Variants in RAPGEF2 observed in about 807,000 individuals in gnomAD.
RAPGEF2 encodes Rap guanine nucleotide exchange factor 2, also known as PDZ domain containing guanine nucleotide exchange factor (GEF) 1.
Under a neutral mutation model 186.7 loss-of-function variants are expected in RAPGEF2, and 54 were observed. The observed-to-expected ratio is 0.29, with a 90% CI of 0.23 to 0.36. The LOEUF (loss-of-function observed/expected upper bound fraction) is 0.36. Among genes scored for constraint, RAPGEF2 ranks in the 10% least tolerant of loss-of-function variants. The probability of loss-of-function intolerance (pLI) is 1.00; values close to 1 mark genes in which losing one functional copy is unlikely to be tolerated. For missense variants in RAPGEF2, 1,532 were observed against 2,045.0 expected (o/e 0.75, Z 4.84); for synonymous variants, 712 against 705.9 (o/e 1.01, Z -0.14).
chr4:159,311,244 A>G (rs938230474), intron 8 of RAPGEF2, among the ~76,000 whole-genome samples: 5 of 152,334 alleles, frequency 3.3e-5, no homozygotes, highest in Middle Eastern at 3.4e-3. Context: ...TAGTCATTCA[A>G]TATAGGATCA....
chr4:159,340,779 C>CCACACA (rs10562531), intron 19 of RAPGEF2, among the ~76,000 whole-genome samples: 1,669 of 106,128 alleles, frequency 0.016, 158 homozygotes, highest in African/African-American at 0.061. Flanking sequence ...ACCACCATCA[C>CCACACA]CACACACACA....
At chr4:159,318,501 T>G (rs1333640823) in intron 9 of RAPGEF2, among the ~76,000 whole-genome samples, 1 of 152,210 alleles carries the variant, frequency 6.6e-6, no homozygotes, top group Admixed American at 6.5e-5. Flanking sequence ...CAAATGAAAT[T>G]GCTAATATTT....
chr4:159,197,518 A>T (rs1037482663), intron 3 of RAPGEF2, among the ~76,000 whole-genome samples: 1 of 152,214 alleles, frequency 6.6e-6, no homozygotes, highest in Non-Finnish European at 1.5e-5. Flanking sequence ...TTGGTTTCCA[A>T]AAGAGTTTTC....
chr4:159,348,238 AGATAGATGGATGGATGGATGGATGGATG>A (rs1394224312), intron 25 of RAPGEF2, among the ~76,000 whole-genome samples: 2 of 126,006 alleles, frequency 1.6e-5, no homozygotes, highest in African/African-American at 2.8e-5. Context: ...ATAGATAGAT[AGATAGATGGATGGATGGATGGATGGATG>A]GATGGATGGA....
intron 28 of RAPGEF2, among the ~76,000 whole-genome samples, chr4:159,354,871 C>T (rs1441572466): frequency 2.0e-5 from 3 of 152,124 alleles, no homozygotes; most frequent in Non-Finnish European, 4.4e-5. Context: ...TTCTATGGCA[C>T]AATTAACATC....
chr4:159,235,995 T>C (rs1236480594), intron 4 of RAPGEF2, among the ~76,000 whole-genome samples: 1 of 152,212 alleles, frequency 6.6e-6, no homozygotes, highest in Non-Finnish European at 1.5e-5. Context: ...ACTCTTTGGC[T>C]CCTTTGAGGC....
At chr4:159,257,920 G>A (rs772381491) in intron 7 of RAPGEF2, among the ~76,000 whole-genome samples, 13 of 151,990 alleles carry the variant, frequency 8.6e-5, no homozygotes, top group Non-Finnish European at 1.8e-4. Context: ...TTTCATCCCT[G>A]ATTTCTCGTT....
intron 17 of RAPGEF2, among the ~76,000 whole-genome samples, chr4:159,337,616 G>A (rs1162431696): frequency 7.3e-5 from 11 of 151,626 alleles, no homozygotes; most frequent in Admixed American, 4.6e-4. Context: ...TTGGCCGGGC[G>A]TGGTGGCTCA....
chr4:159,243,374 T>G (rs1272610996), intron 6 of RAPGEF2, among the ~76,000 whole-genome samples: 3 of 151,954 alleles, frequency 2.0e-5, no homozygotes, highest in Non-Finnish European at 4.4e-5. Context: ...ATAATTTTAA[T>G]GTAGGAAGAT....
At chr4:159,158,841 T>C (rs1234161634) in intron 1 of RAPGEF2, among the ~76,000 whole-genome samples, 2 of 152,206 alleles carry the variant, frequency 1.3e-5, no homozygotes, top group Admixed American at 6.5e-5. Flanking sequence ...ATTGACAACC[T>C]CGCTAGAGGC....
chr4:159,172,362 T>C (rs920049982), intron 1 of RAPGEF2, among the ~76,000 whole-genome samples: 7 of 152,186 alleles, frequency 4.6e-5, no homozygotes, highest in Non-Finnish European at 1.0e-4. Context: ...AAATGTGAAG[T>C]TGGGAACCGT....
chr4:159,340,815 G>A (rs893488192), intron 19 of RAPGEF2, among the ~76,000 whole-genome samples: 5 of 146,174 alleles, frequency 3.4e-5, no homozygotes, highest in Non-Finnish European at 5.9e-5. Flanking sequence ...ACACACACAC[G>A]TGTGCGTGCA....
intron 7 of RAPGEF2, among the ~76,000 whole-genome samples, chr4:159,267,584 C>CGCTCT (rs1308756060): frequency 2.0e-5 from 3 of 152,164 alleles, no homozygotes; most frequent in Non-Finnish European, 4.4e-5. Context: ...CCGATTCACA[C>CGCTCT]GCTCTGCCCT....
At chr4:159,338,215 A>T (rs1767744672) in intron 17 of RAPGEF2, 96 bp from the exon 18 acceptor site, 6 of 1,163,220 alleles carry the variant, frequency 5.2e-6, no homozygotes, top group Non-Finnish European at 7.0e-6. Flanking sequence ...CTGCAAAAAA[A>T]AAATGGAATA....
chr4:159,188,358 T>C (rs1423303254), intron 2 of RAPGEF2, among the ~76,000 whole-genome samples: 1 of 152,022 alleles, frequency 6.6e-6, no homozygotes, highest in Non-Finnish European at 1.5e-5. Context: ...TACAGAAATT[T>C]TCTGGATGAC....
intron 4 of RAPGEF2, among the ~76,000 whole-genome samples, chr4:159,227,983 C>T: frequency 6.6e-6 from 1 of 152,248 alleles, no homozygotes; most frequent in Admixed American, 6.5e-5. Context: ...CTTGAAGACT[C>T]AGAGGAGAGC....
intron 6 of RAPGEF2, among the ~76,000 whole-genome samples, chr4:159,243,225 A>G (rs1169571793): frequency 2.0e-5 from 3 of 151,842 alleles, no homozygotes; most frequent in Admixed American, 1.3e-4. Context: ...TGGATCATAT[A>G]CTGGTTTACT....
intron 1 of RAPGEF2, among the ~76,000 whole-genome samples, chr4:159,171,889 C>T (rs1019210218): frequency 6.6e-6 from 1 of 152,048 alleles, no homozygotes; most frequent in Non-Finnish European, 1.5e-5. Context: ...CAAGCCAAGA[C>T]CATTGCCCTT....
intron 23 of RAPGEF2, among the ~76,000 whole-genome samples, chr4:159,344,611 A>T (rs1024438123): frequency 6.6e-6 from 1 of 152,222 alleles, no homozygotes; most frequent in African/African-American, 2.4e-5. Flanking sequence ...CATTTGCATG[A>T]TTGTTTTATT....
Sources: gnomAD v4.1 joint callset for allele counts (sites outside exome capture counted in the v4.1 genomes callset) on GRCh38, gnomAD v4.1.1 for gene constraint, MANE v1.5 for transcripts, NCBI Gene and HGNC (gene_info 2026-07-23, HGNC 2026-07-21) for gene names.